VRK2: variants seen among roughly 807,000 people sequenced by gnomAD.
VRK2 encodes the protein serine/threonine-protein kinase VRK2.
Under a neutral mutation model 57.6 loss-of-function variants are expected in VRK2, and 60 were observed. The observed-to-expected ratio is 1.04, with a 90% CI of 0.85 to 1.29. The LOEUF is 1.29. Among genes scored for constraint, VRK2 ranks in the 50% most tolerant of loss-of-function variants. The probability of loss-of-function intolerance (pLI) is 0.00; values close to 1 mark genes in which losing one functional copy is unlikely to be tolerated. For missense variants in VRK2, 705 were observed against 588.1 expected (o/e 1.20, Z -2.06); for synonymous variants, 231 against 199.2 (o/e 1.16, Z -1.35).
intron 1 of VRK2, among the ~76,000 whole-genome samples, chr2:57,937,341 T>TTTTC (rs1188304893): frequency 6.6e-6 from 1 of 152,190 alleles, no homozygotes; most frequent in Admixed American, 6.5e-5. Flanking sequence ...ATAATCCCAC[T>TTTTC]TTTCTTTCTT....
At chr2:57,934,917 C>G (rs1481645746) in intron 1 of VRK2, among the ~76,000 whole-genome samples, 3 of 152,026 alleles carry the variant, frequency 2.0e-5, no homozygotes, top group Admixed American at 2.0e-4. Flanking sequence ...TTCTGTTTGG[C>G]TTGTTTTGAT....
rs1170502564 is a variant in VRK2, at chr2:58,159,377, A to C, written c.1211A>C (p.Gln404Pro). Reference protein sequence around the residue: ...QESTRRRQKYQESQEPLNEVN... With the variant: ...QESTRRRQKYPESQEPLNEVN... Reference sequence around the variant, plus strand: ...AGCACAAGGAGAAGACAGAAATATCAAGAGTCTCAAGAACCTTTGAATGAA... The same window carrying C: ...AGCACAAGGAGAAGACAGAAATATCCAGAGTCTCAAGAACCTTTGAATGAA... Residue 404 changes from glutamine (Q) to proline (P), a missense_variant, in exon 13 of 13, where the codon CAA becomes CCA. Physicochemically the swap from Gln to Pro is moderately conservative, Grantham distance 76. Transcript: ENST00000340157. 1 of 1,610,470 alleles carries C rather than the reference A, an allele frequency of 6.2e-7. No homozygotes were observed. The highest frequency in any genetic ancestry group is 8.5e-7 in the Non-Finnish European group (1 of 1,178,702).
intron 7 of VRK2, among the ~76,000 whole-genome samples, chr2:58,119,677 T>C (rs899314076): frequency 6.6e-6 from 1 of 151,546 alleles, no homozygotes; most frequent in East Asian, 1.9e-4. Flanking sequence ...CCATAATCTA[T>C]ATTTTAAAAA....
At chr2:57,979,021 T>A (rs187601996) in intron 1 of VRK2, among the ~76,000 whole-genome samples, 1 of 151,258 alleles carries the variant, frequency 6.6e-6, no homozygotes, top group African/African-American at 2.5e-5. Flanking sequence ...CTGCATAGTT[T>A]TCCATGTGGT....
chr2:58,101,974 A>G (rs1275377434), intron 7 of VRK2, among the ~76,000 whole-genome samples: 6 of 151,674 alleles, frequency 4.0e-5, no homozygotes, highest in African/African-American at 1.4e-4. Flanking sequence ...GTTCAGGAGT[A>G]ACAGGTCAAG....
chr2:57,915,991 T>C (rs537230471), intron 1 of VRK2, among the ~76,000 whole-genome samples: 1 of 152,264 alleles, frequency 6.6e-6, no homozygotes, highest in East Asian at 1.9e-4. Flanking sequence ...CCACTCCCCA[T>C]GCCAGTTTCG....
At chr2:58,134,088 A>G (rs372768688) in intron 9 of VRK2, among the ~76,000 whole-genome samples, 3 of 152,104 alleles carry the variant, frequency 2.0e-5, no homozygotes, top group Non-Finnish European at 2.9e-5. Flanking sequence ...TCAGAAGCCA[A>G]GTCTCACTCT....
At chr2:57,928,250 C>T (rs961067759) in intron 1 of VRK2, among the ~76,000 whole-genome samples, 12 of 152,030 alleles carry the variant, frequency 7.9e-5, no homozygotes. Flanking sequence ...TGTCTTCTGA[C>T]TGTGAATTTT....
chr2:58,083,491 G>T (rs1671183856), intron 2 of VRK2, among the ~76,000 whole-genome samples: 1 of 151,786 alleles, frequency 6.6e-6, no homozygotes, highest in South Asian at 2.1e-4. Context: ...AACTTGAAAT[G>T]AATTTATGAG....
intron 1 of VRK2, among the ~76,000 whole-genome samples, chr2:57,957,052 T>G (rs1671607805): frequency 1.3e-5 from 2 of 152,214 alleles, no homozygotes; most frequent in Admixed American, 6.5e-5. Flanking sequence ...TCCCTCTTAC[T>G]ACAAGACTCA....
chr2:58,068,869 A>C (rs1369384421), intron 2 of VRK2, among the ~76,000 whole-genome samples: 1 of 149,302 alleles, frequency 6.7e-6, no homozygotes, highest in Non-Finnish European at 1.5e-5. Context: ...CAAAAACATC[A>C]TTTGATTCTT....
intron 2 of VRK2, among the ~76,000 whole-genome samples, chr2:58,028,908 ATATATATAT>A (rs1558548546): frequency 0.025 from 918 of 37,416 alleles, 10 homozygotes; most frequent in Middle Eastern, 0.15. Context: ...AAATAAATAT[ATATATATAT>A]ATATATATAT....
At chr2:57,963,822 T>A (rs763535360) in intron 1 of VRK2, among the ~76,000 whole-genome samples, 1 of 152,210 alleles carries the variant, frequency 6.6e-6, no homozygotes, top group Non-Finnish European at 1.5e-5. Context: ...TGATGTTGCA[T>A]ATTTACATTA....
intron 1 of VRK2, among the ~76,000 whole-genome samples, chr2:57,926,539 T>G (rs115313624): frequency 0.014 from 2,115 of 150,654 alleles, 71 homozygotes; most frequent in African/African-American, 0.047. Flanking sequence ...TGTATATATA[T>G]AGAGAGAGAG....
intron 1 of VRK2, among the ~76,000 whole-genome samples, chr2:57,919,648 T>C (rs1188851395): frequency 6.6e-6 from 1 of 152,128 alleles, no homozygotes; most frequent in Non-Finnish European, 1.5e-5. Context: ...TCCAGAAATT[T>C]TGAAGGACTG....
At chr2:58,012,010 G>C (rs1673431304) in intron 1 of VRK2, among the ~76,000 whole-genome samples, 1 of 152,102 alleles carries the variant, frequency 6.6e-6, no homozygotes, top group African/African-American at 2.4e-5. Context: ...TATGACTGTA[G>C]AACACCAGAC....
chr2:58,156,263 T>C (rs72948810), intron 12 of VRK2, among the ~76,000 whole-genome samples: 3,010 of 152,266 alleles, frequency 0.02, 114 homozygotes, highest in African/African-American at 0.069. Context: ...CAGTTATTCT[T>C]ATTGGCCCAT....
chr2:57,996,605 T>C (rs1382367822), intron 1 of VRK2, among the ~76,000 whole-genome samples: 1 of 152,214 alleles, frequency 6.6e-6, no homozygotes, highest in Non-Finnish European at 1.5e-5. Flanking sequence ...ACAACTGTAT[T>C]CACAAGGTTA....
chr2:58,077,044 C>T (rs1470331100), intron 2 of VRK2, among the ~76,000 whole-genome samples: 1 of 151,946 alleles, frequency 6.6e-6, no homozygotes, highest in African/African-American at 2.4e-5. Context: ...GCCAGTTCTC[C>T]TACTAATGTC....
Sources: gnomAD v4.1 joint callset for allele counts (sites outside exome capture counted in the v4.1 genomes callset) on GRCh38, gnomAD v4.1.1 for gene constraint, MANE v1.5 for transcripts, NCBI Gene and HGNC (gene_info 2026-07-23, HGNC 2026-07-21) for gene names.